JAZF1: variants seen among roughly 807,000 people sequenced by gnomAD.
JAZF1 encodes juxtaposed with another zinc finger protein 1.
A neutral mutation model predicts 26.4 loss-of-function variants in JAZF1; 8 were observed. That is an observed-to-expected ratio of 0.30 (90% CI 0.18 to 0.55). The LOEUF (loss-of-function observed/expected upper bound fraction) is 0.55, where lower values mean the gene tolerates loss of function less well. JAZF1 is among the 20% of genes least tolerant of loss of function. The pLI, the probability that JAZF1 is intolerant of heterozygous loss-of-function variation, is 0.94. For synonymous variants in JAZF1, 126 were observed against 122.3 expected (o/e 1.03, Z -0.20); for missense variants, 199 against 322.0 (o/e 0.62, Z 2.92).
chr7:28,167,167 C>T (rs1227832629), intron 1 of JAZF1, among the ~76,000 whole-genome samples: 2 of 152,150 alleles, frequency 1.3e-5, no homozygotes, highest in Non-Finnish European at 2.9e-5. Context: ...AAGCTGAGGG[C>T]TACAGGAATT....
intron 2 of JAZF1, among the ~76,000 whole-genome samples, chr7:27,984,169 AG>A (rs1257326596): frequency 6.6e-6 from 1 of 152,240 alleles, no homozygotes; most frequent in Non-Finnish European, 1.5e-5. Flanking sequence ...TTGGATTAAA[AG>A]TCAAGACCCA....
chr7:27,929,685 A>G (rs1378889864), intron 2 of JAZF1, among the ~76,000 whole-genome samples: 4 of 152,204 alleles, frequency 2.6e-5, no homozygotes, highest in Non-Finnish European at 4.4e-5. Flanking sequence ...GGTTTATCCC[A>G]TCTGTACATG....
At chr7:27,882,076 T>C (rs1409890585) in intron 3 of JAZF1, among the ~76,000 whole-genome samples, 2 of 152,202 alleles carry the variant, frequency 1.3e-5, no homozygotes, top group Non-Finnish European at 2.9e-5. Context: ...ACTAATTCAT[T>C]CAAAATTATT....
intron 2 of JAZF1, among the ~76,000 whole-genome samples, chr7:27,960,273 G>A (rs1785166427): frequency 6.6e-6 from 1 of 152,182 alleles, no homozygotes; most frequent in African/African-American, 2.4e-5. Flanking sequence ...AGGACCCAGG[G>A]AATCCAGTAG....
intron 1 of JAZF1, among the ~76,000 whole-genome samples, chr7:28,051,929 G>A (rs1783624341): frequency 1.3e-5 from 2 of 152,044 alleles, no homozygotes; most frequent in South Asian, 2.1e-4. Flanking sequence ...GTGGCCTAGT[G>A]GAAAAGAAAA....
intron 1 of JAZF1, among the ~76,000 whole-genome samples, chr7:27,995,159 G>A (rs1296613841): frequency 6.6e-6 from 1 of 152,126 alleles, no homozygotes; most frequent in Non-Finnish European, 1.5e-5. Context: ...CTACACTAAG[G>A]AATATAATAT....
At chr7:28,072,755 G>A (rs1018647301) in intron 1 of JAZF1, among the ~76,000 whole-genome samples, 3 of 152,170 alleles carry the variant, frequency 2.0e-5, no homozygotes, top group Admixed American at 6.5e-5. Flanking sequence ...TGGAGGATCA[G>A]GGAAGGATGA....
intron 1 of JAZF1, among the ~76,000 whole-genome samples, chr7:28,096,621 C>T (rs1047376177): frequency 2.0e-5 from 3 of 152,224 alleles, no homozygotes; most frequent in African/African-American, 7.2e-5. Context: ...CAGCTCAAAT[C>T]TGTTCTGAAC....
chr7:27,974,573 T>A (rs754615212), intron 2 of JAZF1, among the ~76,000 whole-genome samples: 1 of 152,144 alleles, frequency 6.6e-6, no homozygotes, highest in African/African-American at 2.4e-5. Flanking sequence ...GCATTTGAAG[T>A]GGGATGAATC....
intron 1 of JAZF1, among the ~76,000 whole-genome samples, chr7:28,050,957 C>A (rs1016361488): frequency 6.6e-6 from 1 of 151,740 alleles, no homozygotes; most frequent in South Asian, 2.1e-4. Flanking sequence ...ATAATGAAAT[C>A]CTGTCACTAC....
chr7:28,106,096 CT>C (rs1460412189), intron 1 of JAZF1, among the ~76,000 whole-genome samples: 5 of 152,288 alleles, frequency 3.3e-5, no homozygotes, highest in African/African-American at 1.2e-4. Context: ...ACTGTGAATG[CT>C]GTCTTACAGG....
intron 3 of JAZF1, among the ~76,000 whole-genome samples, chr7:27,874,758 T>C (rs1012428489): frequency 1.3e-5 from 2 of 152,012 alleles, no homozygotes; most frequent in Non-Finnish European, 2.9e-5. Context: ...TGCTGGACAA[T>C]GATCAATGAG....
intron 1 of JAZF1, among the ~76,000 whole-genome samples, chr7:28,025,481 A>G (rs1783079356): frequency 2.3e-5 from 1 of 42,906 alleles, no homozygotes; most frequent in South Asian, 5.0e-4. Context: ...ATGGCTAAAT[A>G]AGAGCATAAG....
chr7:27,937,700 C>T (rs1784779984), intron 2 of JAZF1, among the ~76,000 whole-genome samples: 1 of 152,104 alleles, frequency 6.6e-6, no homozygotes, highest in South Asian at 2.1e-4. Context: ...AATCAATATG[C>T]TATGAAAAAG....
chr7:27,961,880 T>A (rs1381436121), intron 2 of JAZF1, among the ~76,000 whole-genome samples: 1 of 152,212 alleles, frequency 6.6e-6, no homozygotes, highest in East Asian at 1.9e-4. Context: ...ATCATGGGTA[T>A]CAAAGGTTTA....
At chr7:27,898,941 C>A (rs893696689) in intron 2 of JAZF1, among the ~76,000 whole-genome samples, 1 of 151,966 alleles carries the variant, frequency 6.6e-6, no homozygotes, top group Non-Finnish European at 1.5e-5. Context: ...CTAGTGACAA[C>A]CATACACACA....
intron 1 of JAZF1, among the ~76,000 whole-genome samples, chr7:28,097,359 A>G (rs1421931242): frequency 6.6e-6 from 1 of 152,194 alleles, no homozygotes; most frequent in Non-Finnish European, 1.5e-5. Flanking sequence ...CATTTGTTTA[A>G]ACACATACAA....
chr7:27,999,147 G>C (rs951083835), intron 1 of JAZF1, among the ~76,000 whole-genome samples: 3 of 152,204 alleles, frequency 2.0e-5, no homozygotes, highest in African/African-American at 7.2e-5. Flanking sequence ...CTGCATATCT[G>C]TATACAGCAG....
At chr7:28,099,719 G>C (rs1784441518) in intron 1 of JAZF1, among the ~76,000 whole-genome samples, 1 of 152,044 alleles carries the variant, frequency 6.6e-6, no homozygotes, top group African/African-American at 2.4e-5. Flanking sequence ...CAGGTGATCT[G>C]CCTGCCTCAG....
Sources: allele counts gnomAD v4.1 joint callset (sites outside exome capture counted in the v4.1 genomes callset), GRCh38; gene constraint gnomAD v4.1.1; transcripts MANE v1.5; gene names NCBI Gene and HGNC (gene_info 2026-07-23, HGNC 2026-07-21).